Variants in TFEB observed in about 807,000 individuals in gnomAD.
The protein encoded by TFEB is transcription factor EB.
A neutral mutation model predicts 48.0 loss-of-function variants in TFEB; 12 were observed. The ratio of observed to expected loss-of-function variants is 0.25; its 90% CI spans 0.16 to 0.40. The LOEUF is 0.40. TFEB is among the 10% of genes least tolerant of loss of function. The pLI, the probability that TFEB is intolerant of heterozygous loss-of-function variation, is 1.00. For missense variants in TFEB, 509 were observed against 640.3 expected (o/e 0.79, Z 2.21); for synonymous variants, 244 against 261.4 (o/e 0.93, Z 0.64).
rs773302282 is a variant in TFEB at position 41,691,917 on chromosome 6, C to T, written c.-22-682G>A. On this transcript the variant is annotated intron_variant, in intron 1 of 8. Transcript: ENST00000373033. The surrounding 1 kb of genome is among the most constrained non-coding windows in gnomAD (Gnocchi z 5.2). ...CTACATCCTCCAGGCACTTTGAAAT[C>T]CCCGAAACATCCCAGGCATGCCCCC... 6.6e-6 allele frequency among the ~76,000 whole-genome samples: 1 copy of T among 152,112 alleles called. No individual in the cohort carries two copies. The highest frequency in any genetic ancestry group is 1.5e-5 in the Non-Finnish European group (1 of 68,024).
chr6:41,716,050 T>C (rs1002885311), intron 1 of TFEB, among the ~76,000 whole-genome samples: 2 of 152,204 alleles, frequency 1.3e-5, no homozygotes, highest in African/African-American at 2.4e-5. Flanking sequence ...CTCAGTAATA[T>C]AGCACTACCA....
chr6:41,733,737 C>T (rs780980390), intron 1 of TFEB: 80 of 985,370 alleles, frequency 8.1e-5, no homozygotes, highest in Non-Finnish European at 9.5e-5. Context: ...CCTGGCCGGC[C>T]AGGAACTATT....
At chr6:41,708,863 G>A (rs972456527) in intron 1 of TFEB, among the ~76,000 whole-genome samples, 3 of 152,242 alleles carry the variant, frequency 2.0e-5, no homozygotes, top group African/African-American at 7.2e-5. Flanking sequence ...GACTGGTCAA[G>A]CTGGATGCAA....
chr6:41,724,989 C>CTCCCCCAAAATGCCTGCACAG lies in TFEB; in HGVS notation c.-23+10360_-23+10361insCTGTGCAGGCATTTTGGGGGA. On this transcript the variant is annotated intron_variant, in intron 1 of 8. Transcript: ENST00000373033. This position sits in a 1 kb window ranked among gnomAD's most constrained non-coding sequence, Gnocchi z 4.4. ...CCACAAGGCCCCTTTGCAGGGACGC[C>CTCCCCCAAAATGCCTGCACAG]TCCCCCAAAATGCCTGCACATTCAC... is the stretch of plus-strand genomic sequence containing the variant. Among the ~76,000 whole-genome samples the CTCCCCCAAAATGCCTGCACAG allele has an allele frequency of 6.6e-6, 1 of 152,340 alleles. No individual in the cohort carries two copies. The highest frequency in any genetic ancestry group is 1.5e-5 in the Non-Finnish European group (1 of 68,022).
chr6:41,734,445 T>C lies in TFEB; in HGVS notation c.-23+905A>G. On this transcript the variant is annotated intron_variant, in intron 1 of 8. Transcript: ENST00000373033. The surrounding 1 kb of genome is among the most constrained non-coding windows in gnomAD (Gnocchi z 4.0). ...GGGGGCCGAGCTGGCATCTGCCCGC[T>C]CCCTTCCAGGAGGCGAGCGGACGCG... 1.7e-5 allele frequency: 16 copies of C among 929,656 alleles called. No homozygotes were observed. The highest frequency in any genetic ancestry group is 2.0e-5 in the Non-Finnish European group (16 of 783,496). The allele number at this position is 929,656 out of a possible 1,614,324, so 57.6% of individuals were successfully genotyped here.
intron 1 of TFEB, among the ~76,000 whole-genome samples, chr6:41,698,077 A>G (rs1240467455): frequency 1.3e-5 from 2 of 152,244 alleles, no homozygotes; most frequent in Admixed American, 6.5e-5. Context: ...ATGCTCATAG[A>G]ATGCTTACTG....
At chr6:41,704,196 C>T (rs1195403747) in intron 1 of TFEB, among the ~76,000 whole-genome samples, 2 of 152,206 alleles carry the variant, frequency 1.3e-5, no homozygotes, top group Admixed American at 1.3e-4. Context: ...CCTCTGACCC[C>T]GCCTCCACCT....
At chr6:41,725,336 T>A (rs1003484799) in intron 1 of TFEB, among the ~76,000 whole-genome samples, 2 of 152,182 alleles carry the variant, frequency 1.3e-5, no homozygotes, top group African/African-American at 4.8e-5. Context: ...AGTGGAGAAC[T>A]ACTGCCCTAG....
chr6:41,702,160 C>T (rs1769966516), intron 1 of TFEB, among the ~76,000 whole-genome samples: 1 of 152,064 alleles, frequency 6.6e-6, no homozygotes, highest in Admixed American at 6.5e-5. Context: ...TCCCATGTCA[C>T]CCTCAGCGAA....
intron 1 of TFEB, among the ~76,000 whole-genome samples, chr6:41,711,049 C>T (rs538022935): frequency 6.6e-6 from 1 of 152,312 alleles, no homozygotes; most frequent in Non-Finnish European, 1.5e-5. Context: ...TTTCTTCTAC[C>T]ACTATGGATA....
At chr6:41,690,157 G>C (rs1769222188) in intron 3 of TFEB, among the ~76,000 whole-genome samples, 1 of 150,722 alleles carries the variant, frequency 6.6e-6, no homozygotes, top group Non-Finnish European at 1.5e-5. Flanking sequence ...TCGAGAAGGA[G>C]TCTCACTCTG....
At chr6:41,699,454 G>A (rs569300387) in intron 1 of TFEB, among the ~76,000 whole-genome samples, 3 of 152,356 alleles carry the variant, frequency 2.0e-5, no homozygotes, top group South Asian at 2.1e-4. Context: ...TTACTAGATA[G>A]GGGCAGGAAG....
At chr6:41,725,815 A>G (rs976222293) in intron 1 of TFEB, among the ~76,000 whole-genome samples, 1 of 152,256 alleles carries the variant, frequency 6.6e-6, no homozygotes, top group African/African-American at 2.4e-5. Context: ...GACATGTTAC[A>G]CACTCACCAT....
chr6:41,714,343 G>C (rs1332603942), intron 1 of TFEB, among the ~76,000 whole-genome samples: 1 of 152,200 alleles, frequency 6.6e-6, no homozygotes, highest in Non-Finnish European at 1.5e-5. Context: ...CATCGTGTTT[G>C]TTTTCCAGAT....
intron 6 of TFEB, 122 bp downstream of exon 6, chr6:41,687,631 G>T: frequency 2.4e-6 from 3 of 1,254,464 alleles, no homozygotes; most frequent in Non-Finnish European, 3.4e-6. Flanking sequence ...TAAGCCATCT[G>T]CAAGTGAATT....
chr6:41,703,578 A>C (rs878879887), intron 1 of TFEB, among the ~76,000 whole-genome samples: 1 of 152,246 alleles, frequency 6.6e-6, no homozygotes, highest in African/African-American at 2.4e-5. Context: ...TTTGGAAACA[A>C]CCACTGTACA....
chr6:41,690,876 C>T lies in TFEB; in HGVS notation c.255G>A (p.Gln85=). 1.2e-6 allele frequency: 2 copies of T among 1,606,994 alleles called. No individual in the cohort carries two copies. The highest frequency in any genetic ancestry group is 1.7e-6 in the Non-Finnish European group (2 of 1,175,354). The change falls in exon 3 of 9, where the codon CAG becomes CAA. Residue 85 remains glutamine, a synonymous_variant. Transcript: ENST00000373033. ...CCCGCACCTTCTGATGCTGCGACTG[C>T]TGCAGATGGTAGGATGTGGGATTCT... The part of the protein sequence containing the change: ...YLENPTSYHL[Q]QSQHQKVREY...
In TFEB at chr6:41,724,131, C is replaced by T. The variant is rs1053881954; in HGVS notation, c.-23+11219G>A. Among the ~76,000 whole-genome samples, 1 of 152,230 alleles carries T rather than the reference C, an allele frequency of 6.6e-6. No individual in the cohort carries two copies. The highest frequency in any genetic ancestry group is 1.5e-5 in the Non-Finnish European group (1 of 68,040). ...CTCCGGGAAGATCCACACCACCGCA[C>T]ACTTTTCACTTGTGCAGAAACTGTT... On this transcript the variant is annotated intron_variant, in intron 1 of 8. Transcript: ENST00000373033. The surrounding 1 kb of genome is among the most constrained non-coding windows in gnomAD (Gnocchi z 4.4).
chr6:41,716,282 C>A (rs79393868), intron 1 of TFEB, among the ~76,000 whole-genome samples: 2 of 152,200 alleles, frequency 1.3e-5, no homozygotes, highest in Non-Finnish European at 2.9e-5. Context: ...TGGTACACCC[C>A]CTCCCTATAA....
Sources: gnomAD v4.1 joint callset for allele counts (sites outside exome capture counted in the v4.1 genomes callset) on GRCh38, gnomAD v4.1.1 for gene constraint, Gnocchi (gnomAD v3.1) non-coding constraint, MANE v1.5 for transcripts, NCBI Gene and HGNC (gene_info 2026-07-23, HGNC 2026-07-21) for gene names.